Variants in CBLN2 observed in about 807,000 individuals in gnomAD.
CBLN2 encodes the protein cerebellin 2 precursor.
In CBLN2, 7 loss-of-function variants were observed where a neutral mutation model predicts 15.0. The ratio of observed to expected loss-of-function variants is 0.47; its 90% CI spans 0.27 to 0.88. The LOEUF (loss-of-function observed/expected upper bound fraction) is 0.88. Ranked by LOEUF, CBLN2 falls within the 40% of genes least tolerant of loss-of-function variation. The pLI, the probability that CBLN2 is intolerant of heterozygous loss-of-function variation, is 0.14. For missense variants in CBLN2, 242 were observed against 304.5 expected (o/e 0.79, Z 1.53); for synonymous variants, 149 against 135.2 (o/e 1.10, Z -0.71).
chr18:72,567,312 C>CT (rs1475273360), intron 1 of CBLN2, among the ~76,000 whole-genome samples: 13 of 150,148 alleles, frequency 8.7e-5, no homozygotes, highest in South Asian at 4.2e-4. Context: ...AATGTGAATT[C>CT]TTTTTAAAAA....
At chr18:72,623,758 A>G (rs571132428) in intron 1 of CBLN2, among the ~76,000 whole-genome samples, 1 of 152,288 alleles carries the variant, frequency 6.6e-6, no homozygotes, top group South Asian at 2.1e-4. Context: ...TACCAAGGGC[A>G]TCAGCATCCC....
chr18:72,623,501 C>T (rs549526424), intron 1 of CBLN2, among the ~76,000 whole-genome samples: 2 of 152,132 alleles, frequency 1.3e-5, no homozygotes, highest in Admixed American at 6.5e-5. Context: ...AGACTAAAAC[C>T]GAGCTGTCCG....
chr18:72,604,951 T>C (rs1214975055), intron 1 of CBLN2, among the ~76,000 whole-genome samples: 1 of 152,258 alleles, frequency 6.6e-6, no homozygotes, highest in Non-Finnish European at 1.5e-5. Context: ...CATGTAATTA[T>C]AACCCAAGTA....
At chr18:72,544,681 C>A (rs1046534813), upstream of CBLN2, 1 of 152,068 alleles carries the variant, frequency 6.6e-6, no homozygotes, top group Admixed American at 6.6e-5. Flanking sequence ...CCAGTCTTCC[C>A]GGTATCCTTC....
Position 72,584,850 on chromosome 18 carries a change from A to G in CBLN2, c.16-46078T>C, listed in dbSNP as rs537117806. On this transcript the variant is annotated intron_variant, in intron 1 of 2. Transcript: ENST00000581073. The stretch of plus-strand genomic sequence containing the variant: ...TGGCATCTTTGCCCGAGTTTTGATA[A>G]GGCCCACTGGGCTCATTCTACCCAC... Among the ~76,000 whole-genome samples the G allele has an allele frequency of 7.2e-5, 11 of 152,288 alleles. No individual in the cohort carries two copies. The South Asian group carries it at 1.2e-3, about 17-fold the overall frequency.
chr18:72,597,238 T>C (rs2069519243), intron 1 of CBLN2, among the ~76,000 whole-genome samples: 1 of 152,218 alleles, frequency 6.6e-6, no homozygotes, highest in African/African-American at 2.4e-5. Flanking sequence ...ACTGCAGCCA[T>C]ATCTACATTA....
chr18:72,593,349 T>G (rs914346253), intron 1 of CBLN2, among the ~76,000 whole-genome samples: 16 of 152,204 alleles, frequency 1.1e-4, no homozygotes, highest in African/African-American at 3.6e-4. Flanking sequence ...AATTTTTGTA[T>G]GTTGACTTTG....
chr18:72,627,373 T>C (rs1467758255), intron 1 of CBLN2, among the ~76,000 whole-genome samples: 2 of 152,238 alleles, frequency 1.3e-5, no homozygotes. Flanking sequence ...TATGAGGGCT[T>C]CATAATTGCA....
chr18:72,547,621 T>C (rs1402426611), upstream of CBLN2, among the ~76,000 whole-genome samples: 2 of 152,120 alleles, frequency 1.3e-5, no homozygotes, highest in Non-Finnish European at 1.5e-5. Context: ...AGGCTTTTTA[T>C]ATTTGGATTA....
chr18:72,575,938 A>G (rs560326788), intron 1 of CBLN2, among the ~76,000 whole-genome samples: 59 of 152,318 alleles, frequency 3.9e-4, no homozygotes, highest in African/African-American at 1.4e-3. Flanking sequence ...TTTTTCCTGG[A>G]GTATAGCACC....
At chr18:72,558,360 C>G (rs757180898) in intron 1 of CBLN2, among the ~76,000 whole-genome samples, 1 of 152,162 alleles carries the variant, frequency 6.6e-6, no homozygotes, top group Non-Finnish European at 1.5e-5. Flanking sequence ...ATACTCTGGG[C>G]ACCCGGAAGC....
intron 1 of CBLN2, among the ~76,000 whole-genome samples, chr18:72,591,788 C>A (rs1458077419): frequency 1.3e-5 from 2 of 152,094 alleles, no homozygotes; most frequent in East Asian, 3.9e-4. Flanking sequence ...TTAACGTAAT[C>A]TTCTCCAGTT....
At chr18:72,558,203 G>A (rs1214233461) in intron 1 of CBLN2, among the ~76,000 whole-genome samples, 1 of 152,144 alleles carries the variant, frequency 6.6e-6, no homozygotes, top group Non-Finnish European at 1.5e-5. Flanking sequence ...ACTCTGGAGG[G>A]GCTAGAGACT....
chr18:72,552,632 G>A (rs895896847), intron 1 of CBLN2: 14 of 152,172 alleles, frequency 9.2e-5, no homozygotes, highest in South Asian at 6.2e-4. Flanking sequence ...ATGTTGAGAT[G>A]CTCACTAAAA....
intron 1 of CBLN2, among the ~76,000 whole-genome samples, chr18:72,637,892 T>C (rs1450181011): frequency 6.6e-6 from 1 of 152,184 alleles, no homozygotes; most frequent in Non-Finnish European, 1.5e-5. Flanking sequence ...GCAGAGTCAC[T>C]GGCAGGCGCT....
chr18:72,538,152 C>G lies in CBLN2; in HGVS notation c.*24G>C, dbSNP rs776738382. On this transcript the variant is annotated 3_prime_UTR_variant, in exon 5 of 5. Transcript: ENST00000269503. The stretch of plus-strand genomic sequence containing the variant: ...AGTCCTGGGTCCAGTTTGCCATTCC[C>G]CCACCATCTAGGGGGCTCTGTGTTT... The G allele has an allele frequency of 5.0e-6, 8 of 1,613,476 alleles. No homozygotes were observed. The South Asian group carries it at 8.8e-5, about 18-fold the overall frequency.
chr18:72,634,431 G>A lies in CBLN2; in HGVS notation c.15+3894C>T, dbSNP rs118080347. Among the ~76,000 whole-genome samples, 204 of 152,012 alleles carry A rather than the reference G, an allele frequency of 1.3e-3. 4 individuals carry two copies. In the East Asian group the frequency reaches 0.035, roughly 26 times the overall value. On this transcript the variant is annotated intron_variant, in intron 1 of 2. Coordinates refer to the CBLN2 transcript ENST00000581073. ...ATAAAATAATCTATGTGATACATATGATACTGAGTTGGCCTAGATAAATTG... is the reference window on the plus strand; with the variant it reads ...ATAAAATAATCTATGTGATACATATAATACTGAGTTGGCCTAGATAAATTG...
intron 1 of CBLN2, among the ~76,000 whole-genome samples, chr18:72,629,121 C>A (rs1177403300): frequency 1.3e-5 from 2 of 152,126 alleles, no homozygotes; most frequent in African/African-American, 2.4e-5. Flanking sequence ...GACTTCCCAA[C>A]CATCTGCTAT....
chr18:72,630,233 G>A (rs943169684), intron 1 of CBLN2, among the ~76,000 whole-genome samples: 2 of 152,080 alleles, frequency 1.3e-5, no homozygotes, highest in African/African-American at 4.8e-5. Context: ...AGCACTGGGG[G>A]TACAAAGGTG....
Sources: allele counts gnomAD v4.1 joint callset (sites outside exome capture counted in the v4.1 genomes callset), GRCh38; gene constraint gnomAD v4.1.1; transcripts MANE v1.5; gene names NCBI Gene and HGNC (gene_info 2026-07-23, HGNC 2026-07-21).